FOXJ3: variants seen among roughly 807,000 people sequenced by gnomAD.
The protein encoded by FOXJ3 is forkhead box protein J3.
In FOXJ3, 22 loss-of-function variants were observed where a neutral mutation model predicts 76.1. That is an observed-to-expected ratio of 0.29 (90% CI 0.21 to 0.41). The LOEUF is 0.41. Ranked by LOEUF, FOXJ3 falls within the 10% of genes least tolerant of loss-of-function variation. FOXJ3 has a pLI of 1.00. For missense variants in FOXJ3, 613 were observed against 762.1 expected (o/e 0.80, Z 2.30); for synonymous variants, 269 against 261.2 (o/e 1.03, Z -0.29).
intron 11 of FOXJ3, among the ~76,000 whole-genome samples, chr1:42,188,486 T>C (rs1424138989): frequency 1.3e-5 from 2 of 152,204 alleles, no homozygotes; most frequent in East Asian, 3.8e-4. Context: ...AAAAGGATAA[T>C]GGTTACAACA....
intron 1 of FOXJ3, chr1:42,334,114 CAG>C (rs1431720320): frequency 1.0e-6 from 1 of 974,460 alleles, no homozygotes; most frequent in Non-Finnish European, 1.2e-6. Flanking sequence ...AAAAGTAAAA[CAG>C]AGAAATGAAA....
At chr1:42,325,743 G>GT (rs926470215) in intron 1 of FOXJ3, among the ~76,000 whole-genome samples, 1 of 152,180 alleles carries the variant, frequency 6.6e-6, no homozygotes, top group African/African-American at 2.4e-5. Flanking sequence ...AATAATTACT[G>GT]TAAGTAAACT....
At chr1:42,186,121 G>A (rs1416382342) in intron 11 of FOXJ3, among the ~76,000 whole-genome samples, 3 of 152,126 alleles carry the variant, frequency 2.0e-5, no homozygotes, top group Non-Finnish European at 4.4e-5. Context: ...TTACTGGGGT[G>A]CAGAGATGAG....
In FOXJ3 at chr1:42,291,063, T is replaced by TAGAC. The variant is rs1469533310; in HGVS notation, c.45-12392_45-12391insGTCT. ...ATAGATAGATAGATAGATAGATAGA[T>TAGAC]AGATAGATAGATAGATAGATAGACA... is the stretch of plus-strand genomic sequence containing the variant. On this transcript the variant is annotated intron_variant, in intron 2 of 12. Transcript: ENST00000361346. 1.1e-3 allele frequency among the ~76,000 whole-genome samples: 130 copies of TAGAC among 123,180 alleles called. 1 individual carries two copies. The highest frequency in any genetic ancestry group is 1.8e-3 in the Non-Finnish European group (99 of 55,512). 80.8% of individuals were successfully genotyped at this position (123,180 alleles called of 152,430 possible).
At chr1:42,233,924 T>C (rs1648363417) in intron 4 of FOXJ3, among the ~76,000 whole-genome samples, 1 of 151,908 alleles carries the variant, frequency 6.6e-6, no homozygotes, top group South Asian at 2.1e-4. Flanking sequence ...TGATACTGGC[T>C]GTGGGTTTGT....
chr1:42,242,978 G>A (rs1018057410), intron 4 of FOXJ3, among the ~76,000 whole-genome samples: 3 of 152,122 alleles, frequency 2.0e-5, no homozygotes, highest in African/African-American at 7.2e-5. Context: ...ACCTTCATCA[G>A]ACTAACAGTG....
chr1:42,225,794 T>A (rs1647509804), intron 5 of FOXJ3, among the ~76,000 whole-genome samples: 1 of 152,192 alleles, frequency 6.6e-6, no homozygotes. Flanking sequence ...CATGTTTTTG[T>A]AACCTGAATC....
intron 2 of FOXJ3, among the ~76,000 whole-genome samples, chr1:42,289,011 A>C (rs1653245069): frequency 1.3e-5 from 2 of 152,068 alleles, no homozygotes; most frequent in Admixed American, 1.3e-4. Flanking sequence ...GTTATTTTTT[A>C]TGTGAATATT....
At chr1:42,203,534 T>C (rs1646802243) in intron 6 of FOXJ3, among the ~76,000 whole-genome samples, 2 of 152,298 alleles carry the variant, frequency 1.3e-5, no homozygotes, top group South Asian at 4.1e-4. Flanking sequence ...GTTGAAAGCC[T>C]AGGGTGTATT....
chr1:42,214,269 T>C (rs1037822053), intron 5 of FOXJ3, among the ~76,000 whole-genome samples: 1 of 152,192 alleles, frequency 6.6e-6, no homozygotes, highest in Non-Finnish European at 1.5e-5. Context: ...ATTCACTCAA[T>C]AGCATGGTAC....
At chr1:42,293,809 G>C (rs1653599679) in intron 2 of FOXJ3, among the ~76,000 whole-genome samples, 1 of 152,058 alleles carries the variant, frequency 6.6e-6, no homozygotes. Flanking sequence ...CATTTTGCAA[G>C]CTCCATATAT....
At position 42,305,815 on chromosome 1, in the gene FOXJ3, ACAGT is replaced by A. The variant is rs1215399828; in HGVS notation, c.44+5231_44+5234del. Among the ~76,000 whole-genome samples the A allele has an allele frequency of 2.6e-5, 4 of 152,340 alleles. No homozygotes were observed. The South Asian group carries it at 8.3e-4, about 32-fold the overall frequency. On this transcript the variant is annotated intron_variant, in intron 2 of 12. Coordinates refer to ENST00000361346, the MANE Select transcript of FOXJ3 (RefSeq NM_014947.5). ...TGTTTGATTGCACAACAGGGTGACT[ACAGT>A]CAGTAATAATTTAATTGTACATTTT...
At chr1:42,236,567 C>A (rs952305735) in intron 4 of FOXJ3, among the ~76,000 whole-genome samples, 8 of 152,140 alleles carry the variant, frequency 5.3e-5, no homozygotes, top group Non-Finnish European at 8.8e-5. Context: ...TTTAAGTGTG[C>A]AATTTAAGAA....
At chr1:42,226,223 A>T (rs1569943683) in intron 5 of FOXJ3, among the ~76,000 whole-genome samples, 1 of 121,176 alleles carries the variant, frequency 8.3e-6, no homozygotes, top group Admixed American at 7.5e-5. Context: ...AGGAGTGCTT[A>T]AAAAAAAAAA....
chr1:42,311,650 A>AAGTAGGAGTAGT (rs1553169330), intron 1 of FOXJ3, among the ~76,000 whole-genome samples: 1 of 149,414 alleles, frequency 6.7e-6, no homozygotes, highest in Non-Finnish European at 1.5e-5. Flanking sequence ...TTTAAAAAAA[A>AAGTAGGAGTAGT]AGTAGTAGTA....
At chr1:42,298,259 T>C (rs1653911775) in intron 2 of FOXJ3, among the ~76,000 whole-genome samples, 1 of 152,216 alleles carries the variant, frequency 6.6e-6, no homozygotes. Context: ...CTTTCCTTTA[T>C]AAATTACCCA....
intron 5 of FOXJ3, among the ~76,000 whole-genome samples, chr1:42,223,896 ACTAT>A (rs1348904591): frequency 6.6e-6 from 1 of 152,232 alleles, no homozygotes; most frequent in African/African-American, 2.4e-5. Flanking sequence ...TGAAGGCAAG[ACTAT>A]CTGAGTTCAA....
intron 6 of FOXJ3, among the ~76,000 whole-genome samples, chr1:42,203,524 G>C (rs1397217004): frequency 1.3e-5 from 2 of 152,128 alleles, no homozygotes; most frequent in Non-Finnish European, 2.9e-5. Context: ...CAGATATCAA[G>C]TTGAAAGCCT....
intron 4 of FOXJ3, among the ~76,000 whole-genome samples, chr1:42,234,645 T>TA (rs1325619265): frequency 1.3e-5 from 2 of 152,196 alleles, no homozygotes; most frequent in Non-Finnish European, 1.5e-5. Flanking sequence ...GCAGGTCTGT[T>TA]AGAGTTTGCT....
Sources: allele counts gnomAD v4.1 joint callset (sites outside exome capture counted in the v4.1 genomes callset), GRCh38; gene constraint gnomAD v4.1.1; transcripts MANE v1.5; gene names NCBI Gene and HGNC (gene_info 2026-07-23, HGNC 2026-07-21).